DLG2: variants seen among roughly 807,000 people sequenced by gnomAD.
DLG2 encodes disks large homolog 2.
DLG2 carries 45 observed loss-of-function variants against 132.5 expected under a neutral mutation model. The observed-to-expected ratio is 0.34, with a 90% confidence interval of 0.27 to 0.44. DLG2 has a LOEUF of 0.44. DLG2 is among the 20% of genes least tolerant of loss of function. DLG2 has a pLI of 1.00. For synonymous variants in DLG2, 424 were observed against 419.6 expected (o/e 1.01, Z -0.13); for missense variants, 1,045 against 1,196.9 (o/e 0.87, Z 1.87).
rs905339549 is a variant in DLG2 at position 83,757,929 on chromosome 11, C to T, written c.1825+28761G>A. 1.7e-4 allele frequency among the ~76,000 whole-genome samples: 26 copies of T among 152,160 alleles called. 1 individual carries two copies. Among genetic ancestry groups the T allele is most frequent in the African/African-American group, 4.8e-4 (20 of 41,446 alleles). ...AACAACTGCACTGAGTACTGATCAC[C>T]ATGTCTGTTGCCCCTATTGACTTGG... On this transcript the variant is annotated intron_variant, in intron 18 of 27. Transcript: ENST00000376104.
intron 11 of DLG2, among the ~76,000 whole-genome samples, chr11:84,018,081 AC>A (rs945106061): frequency 3.3e-5 from 5 of 151,832 alleles, no homozygotes; most frequent in African/African-American, 1.2e-4. Context: ...CTGTATGTTA[AC>A]GTTTTTGATT....
chr11:84,514,744 T>A (rs1350265935), intron 7 of DLG2, among the ~76,000 whole-genome samples: 1 of 151,944 alleles, frequency 6.6e-6, no homozygotes, highest in Non-Finnish European at 1.5e-5. Context: ...ATAAGAATAC[T>A]GTTTGACAGC....
chr11:83,535,719 T>C (rs926677701), intron 20 of DLG2, among the ~76,000 whole-genome samples: 9 of 152,074 alleles, frequency 5.9e-5, no homozygotes, highest in African/African-American at 2.2e-4. Context: ...ATGAAGGAAG[T>C]TGAAAAGCTT....
chr11:83,503,717 A>T (rs900895897), intron 21 of DLG2, among the ~76,000 whole-genome samples: 1 of 151,992 alleles, frequency 6.6e-6, no homozygotes, highest in East Asian at 1.9e-4. Context: ...CACACAGATT[A>T]AGGGTGGGTC....
intron 8 of DLG2, among the ~76,000 whole-genome samples, chr11:84,195,894 A>G (rs545342528): frequency 6.6e-6 from 1 of 152,208 alleles, no homozygotes; most frequent in Non-Finnish European, 1.5e-5. Context: ...TGTAAGTGCA[A>G]GGATCATGCC....
chr11:85,156,813 G>A (rs76784660), intron 4 of DLG2, among the ~76,000 whole-genome samples: 2,965 of 152,304 alleles, frequency 0.019, 57 homozygotes, highest in Admixed American at 0.037. Context: ...AGGTGATTGA[G>A]CTCGGCATTT....
At chr11:84,906,626 G>C (rs539772627) in intron 6 of DLG2, among the ~76,000 whole-genome samples, 2 of 152,094 alleles carry the variant, frequency 1.3e-5, no homozygotes, top group Non-Finnish European at 2.9e-5. Flanking sequence ...AAACTGATAT[G>C]GTTCCTACCA....
chr11:85,045,573 C>CAA (rs143689259), intron 6 of DLG2, among the ~76,000 whole-genome samples: 1 of 151,300 alleles, frequency 6.6e-6, no homozygotes, highest in Non-Finnish European at 1.5e-5. Context: ...ACAAAATAAA[C>CAA]AAAAAAAATG....
At chr11:85,522,662 T>G (rs954417134) in intron 3 of DLG2, among the ~76,000 whole-genome samples, 1 of 152,218 alleles carries the variant, frequency 6.6e-6, no homozygotes, top group Non-Finnish European at 1.5e-5. Context: ...ATGAACTGGA[T>G]GTAAGACATG....
chr11:83,764,423 A>T (rs142752290), intron 18 of DLG2, among the ~76,000 whole-genome samples: 1 of 152,332 alleles, frequency 6.6e-6, no homozygotes, highest in African/African-American at 2.4e-5. Flanking sequence ...GGTGCTGAAA[A>T]GAAATGGAAA....
chr11:84,885,425 C>T (rs961380691), intron 6 of DLG2, among the ~76,000 whole-genome samples: 2 of 152,024 alleles, frequency 1.3e-5, no homozygotes, highest in African/African-American at 4.8e-5. Flanking sequence ...GCCTCAAACT[C>T]CTGGGCTCAA....
chr11:85,495,626 A>C (rs2093653037), intron 3 of DLG2, among the ~76,000 whole-genome samples: 1 of 152,160 alleles, frequency 6.6e-6, no homozygotes, highest in African/African-American at 2.4e-5. Flanking sequence ...AAAACTCAGG[A>C]AACAACAGAT....
At position 84,368,783 on chromosome 11, in the gene DLG2, G is replaced by C. The variant is rs144908383; in HGVS notation, c.520-117492C>G. Among the ~76,000 whole-genome samples, 39 of 152,194 alleles carry C rather than the reference G, an allele frequency of 2.6e-4. No individual in the cohort carries two copies. In the East Asian group the frequency reaches 4.4e-3, roughly 17 times the overall value. On this transcript the variant is annotated intron_variant, in intron 7 of 27. Coordinates refer to ENST00000376104, the MANE Select transcript of DLG2 (RefSeq NM_001142699.3). ...TTAGTAGAGTTCTGCTTTATAATAA[G>C]TACTCAATAAATATTGTGTTAATTT...
intron 3 of DLG2, among the ~76,000 whole-genome samples, chr11:85,432,726 C>T (rs573709402): frequency 6.6e-6 from 1 of 152,132 alleles, no homozygotes; most frequent in African/African-American, 2.4e-5. Context: ...AGAATAGAAC[C>T]AAATTGGAAA....
chr11:83,904,670 T>G (rs574872842), intron 15 of DLG2, among the ~76,000 whole-genome samples: 179 of 152,070 alleles, frequency 1.2e-3, no homozygotes, highest in African/African-American at 4.0e-3. Flanking sequence ...TTTTTTTTTT[T>G]AACCATCCAT....
intron 21 of DLG2, among the ~76,000 whole-genome samples, chr11:83,524,421 A>G (rs1334279980): frequency 6.6e-6 from 1 of 151,804 alleles, no homozygotes; most frequent in East Asian, 1.9e-4. Flanking sequence ...ATGCTGCAGG[A>G]TACACTTTTT....
chr11:84,127,423 A>C (rs1269613904), intron 9 of DLG2, among the ~76,000 whole-genome samples: 1 of 152,142 alleles, frequency 6.6e-6, no homozygotes, highest in East Asian at 1.9e-4. Flanking sequence ...TAATAATTTT[A>C]CTGTCTCACA....
chr11:85,096,788 G>A (rs1477752824), intron 6 of DLG2, among the ~76,000 whole-genome samples: 1 of 152,112 alleles, frequency 6.6e-6, no homozygotes, highest in Admixed American at 6.5e-5. Context: ...CTTAGAATTT[G>A]GGGGTTAAAT....
chr11:84,821,431 T>G (rs1378064071), intron 6 of DLG2, among the ~76,000 whole-genome samples: 1 of 151,746 alleles, frequency 6.6e-6, no homozygotes, highest in African/African-American at 2.4e-5. Context: ...CGTGACCATA[T>G]TCCAATAAAA....
Sources: gnomAD v4.1 joint callset for allele counts (sites outside exome capture counted in the v4.1 genomes callset) on GRCh38, gnomAD v4.1.1 for gene constraint, MANE v1.5 for transcripts, NCBI Gene and HGNC (gene_info 2026-07-23, HGNC 2026-07-21) for gene names.